The following SEMA3A variants were observed in gnomAD, a reference collection of about 807,000 sequenced individuals.
The protein encoded by SEMA3A is semaphorin-3A.
In SEMA3A, 29 loss-of-function variants were observed where a neutral mutation model predicts 97.9. The observed-to-expected ratio is 0.30, with a 90% CI of 0.22 to 0.40. SEMA3A has a LOEUF of 0.40. Among genes scored for constraint, SEMA3A ranks in the 10% least tolerant of loss-of-function variants. The pLI, the probability that SEMA3A is intolerant of heterozygous loss-of-function variation, is 1.00. For missense variants in SEMA3A, 763 were observed against 951.3 expected, an observed-to-expected ratio of 0.80 and a Z score of 2.60; for synonymous variants, 321 against 323.7, an observed-to-expected ratio of 0.99 and a Z score of 0.09.
chr7:84,492,307 C>T (rs1410221153), intron 1 of SEMA3A, among the ~76,000 whole-genome samples: 2 of 152,084 alleles, frequency 1.3e-5, no homozygotes, highest in African/African-American at 2.4e-5. Context: ...AGTGCCAGGG[C>T]ATTGTGCAAA....
chr7:84,306,089 C>T lies in SEMA3A; in HGVS notation c.-83+1118G>A, dbSNP rs192846761. Among the ~76,000 whole-genome samples the T allele has an allele frequency of 3.7e-4, 56 of 151,812 alleles. 1 individual carries two copies. Among genetic ancestry groups the T allele is most frequent in the South Asian group, 1.2e-3 (6 of 4,802 alleles). On this transcript the variant is annotated intron_variant, in intron 3 of 3. Coordinates refer to the SEMA3A transcript ENST00000424555. ...TATTTCCCATAAAAGAATCAAATATCCATACCAATTCAATATGAACTCTAA... is the reference window on the plus strand; with the variant it reads ...TATTTCCCATAAAAGAATCAAATATTCATACCAATTCAATATGAACTCTAA...
chr7:84,142,663 T>G (rs576165720), intron 1 of SEMA3A, among the ~76,000 whole-genome samples: 1 of 152,340 alleles, frequency 6.6e-6, no homozygotes, highest in African/African-American at 2.4e-5. Flanking sequence ...TATATTATTT[T>G]ATTTGCTCTG....
At chr7:83,979,840 A>G (rs760518824) in intron 14 of SEMA3A, among the ~76,000 whole-genome samples, 1 of 152,206 alleles carries the variant, frequency 6.6e-6, no homozygotes, top group Non-Finnish European at 1.5e-5. Flanking sequence ...TGTGTAATCA[A>G]GAGATTTAAG....
chr7:84,193,737 T>A (rs1038504680), intron 1 of SEMA3A, among the ~76,000 whole-genome samples: 1 of 152,148 alleles, frequency 6.6e-6, no homozygotes, highest in Non-Finnish European at 1.5e-5. Context: ...GCACTAGTGA[T>A]AAAGCTCTTT....
chr7:84,321,872 G>GAAAAAAAAAAAAAAAAAAAA (rs1156548285), intron 2 of SEMA3A, among the ~76,000 whole-genome samples: 5 of 12,062 alleles, frequency 4.1e-4, no homozygotes, highest in African/African-American at 1.0e-3. Flanking sequence ...CGAGACTACG[G>GAAAAAAAAAAAAAAAAAAAA]AAAAAAAAAA....
intron 4 of SEMA3A, among the ~76,000 whole-genome samples, chr7:84,076,158 A>G (rs769814579): frequency 6.6e-6 from 1 of 152,212 alleles, no homozygotes; most frequent in Non-Finnish European, 1.5e-5. Flanking sequence ...CACTTATGGT[A>G]TATCTTTGTT....
At chr7:83,964,143 C>T (rs747181823) in intron 15 of SEMA3A, among the ~76,000 whole-genome samples, 2 of 152,152 alleles carry the variant, frequency 1.3e-5, no homozygotes, top group African/African-American at 4.8e-5. Flanking sequence ...TATGTAACCT[C>T]CTCCAATGTG....
chr7:84,326,114 T>C (rs903046472), intron 2 of SEMA3A, among the ~76,000 whole-genome samples: 2 of 152,132 alleles, frequency 1.3e-5, no homozygotes, highest in Admixed American at 6.6e-5. Context: ...AATATCCCTC[T>C]GTGATCTGGC....
chr7:84,240,996 A>G (rs1218431591), intron 3 of SEMA3A, among the ~76,000 whole-genome samples: 1 of 152,146 alleles, frequency 6.6e-6, no homozygotes, highest in Non-Finnish European at 1.5e-5. Context: ...TTCTTTATCC[A>G]GTCTATCGTT....
intron 1 of SEMA3A, among the ~76,000 whole-genome samples, chr7:84,448,697 T>C (rs1229140612): frequency 1.1e-4 from 16 of 152,092 alleles, no homozygotes; most frequent in Non-Finnish European, 2.4e-4. Flanking sequence ...TTAATTTTCA[T>C]GATTGGAAGA....
intron 11 of SEMA3A, 105 bp from the exon 12 acceptor site, chr7:84,002,151 G>GGTCT (rs1790481723): frequency 1.3e-5 from 8 of 612,578 alleles, no homozygotes; most frequent in Non-Finnish European, 2.2e-5. Context: ...CTTTGATATC[G>GGTCT]GTCTTCCTTT....
chr7:84,422,509 C>CT (rs1367013126), intron 1 of SEMA3A, among the ~76,000 whole-genome samples: 2 of 151,976 alleles, frequency 1.3e-5, no homozygotes, highest in East Asian at 3.9e-4. Flanking sequence ...TTTCATGTCT[C>CT]TATCTCCTTC....
chr7:84,157,815 C>T (rs34892444), intron 1 of SEMA3A, among the ~76,000 whole-genome samples: 108,163 of 151,932 alleles, frequency 0.71, 38,582 homozygotes, highest in Middle Eastern at 0.75. Flanking sequence ...CTAAATGGGC[C>T]TCGTGATTTG....
chr7:84,381,557 A>C (rs1378752702), intron 1 of SEMA3A, among the ~76,000 whole-genome samples: 1 of 152,064 alleles, frequency 6.6e-6, no homozygotes, highest in Non-Finnish European at 1.5e-5. Context: ...CAAATTACTA[A>C]AGTACTCGAT....
At chr7:84,478,050 A>G (rs1361509877) in intron 1 of SEMA3A, among the ~76,000 whole-genome samples, 3 of 152,154 alleles carry the variant, frequency 2.0e-5, no homozygotes, top group African/African-American at 7.2e-5. Context: ...ATCATGTTAC[A>G]CTGGTTTGTT....
At chr7:84,390,741 ACT>A (rs1803548165) in intron 1 of SEMA3A, among the ~76,000 whole-genome samples, 1 of 152,024 alleles carries the variant, frequency 6.6e-6, no homozygotes, top group African/African-American at 2.4e-5. Flanking sequence ...CCTTCCAGAG[ACT>A]CTTATTAAGA....
intron 2 of SEMA3A, among the ~76,000 whole-genome samples, chr7:84,320,016 G>A (rs1356797201): frequency 6.6e-6 from 1 of 152,098 alleles, no homozygotes; most frequent in African/African-American, 2.4e-5. Flanking sequence ...TAAACCCAAA[G>A]TAGGAGCCCA....
chr7:84,352,724 G>T (rs1802466945), intron 2 of SEMA3A, among the ~76,000 whole-genome samples: 1 of 151,684 alleles, frequency 6.6e-6, no homozygotes, highest in African/African-American at 2.4e-5. Context: ...TACAGTGTAG[G>T]GGAAAAGAAA....
intron 1 of SEMA3A, among the ~76,000 whole-genome samples, chr7:84,154,397 G>A: frequency 6.6e-6 from 1 of 151,892 alleles, no homozygotes; most frequent in East Asian, 1.9e-4. Flanking sequence ...AGGTGATGAC[G>A]CCGGGTACGA....
Sources: allele counts gnomAD v4.1 joint callset (sites outside exome capture counted in the v4.1 genomes callset), GRCh38; gene constraint gnomAD v4.1.1; transcripts MANE v1.5; gene names NCBI Gene and HGNC (gene_info 2026-07-23, HGNC 2026-07-21).